RAB5A: variants seen among roughly 807,000 people sequenced by gnomAD.
The protein encoded by RAB5A is ras-related protein Rab-5A.
RAB5A carries 8 observed loss-of-function variants against 25.7 expected under a neutral mutation model. The observed-to-expected ratio is 0.31, with a 90% confidence interval of 0.18 to 0.56. The LOEUF is 0.56. RAB5A is among the 20% of genes least tolerant of loss of function. RAB5A has a pLI of 0.91. For missense variants in RAB5A, 192 were observed against 259.7 expected, an observed-to-expected ratio of 0.74 and a Z score of 1.79; for synonymous variants, 98 against 89.8, an observed-to-expected ratio of 1.09 and a Z score of -0.52.
intron 5 of RAB5A, among the ~76,000 whole-genome samples, chr3:19,982,791 A>G (rs964877187): frequency 2.0e-5 from 3 of 151,880 alleles, no homozygotes; most frequent in East Asian, 1.9e-4. Context: ...GAGCATGTAT[A>G]TAGATGTTTT....
chr3:19,967,766 C>T (rs115173410), intron 2 of RAB5A, among the ~76,000 whole-genome samples: 1,701 of 151,994 alleles, frequency 0.011, 16 homozygotes, highest in Non-Finnish European at 0.014. Context: ...ATACTTAGCC[C>T]TATTCTACTT....
chr3:19,965,969 A>G (rs1418199522), intron 2 of RAB5A, among the ~76,000 whole-genome samples: 1 of 152,118 alleles, frequency 6.6e-6, no homozygotes, highest in African/African-American at 2.4e-5. Flanking sequence ...CTCAAGCAGC[A>G]TACCCGCCTG....
Position 19,976,077 on chromosome 3 carries a change from A to G in RAB5A, c.346A>G (p.Lys116Glu). Reference sequence around the variant, plus strand: ...CTTTGCAAGAGCAAAAAATTGGGTTAAAGAACTTCAGAGGCAAGCAAGTCC... The same window carrying G: ...CTTTGCAAGAGCAAAAAATTGGGTTGAAGAACTTCAGAGGCAAGCAAGTCC... ...ESFARAKNWV[K>E]ELQRQASPNI... The change falls in exon 4 of 6, where the codon AAA (lysine) becomes GAA (glutamate). Residue 116 changes from lysine to glutamate, a missense_variant. Physicochemically the swap from Lys to Glu is moderately conservative, Grantham distance 56. This residue lies in a region of RAB5A where 121 missense variants were observed against 135.7 expected (regional missense o/e 0.89). Transcript: ENST00000273047. The G allele has an allele frequency of 6.2e-7, 1 of 1,612,908 alleles. No homozygotes were observed. The highest frequency in any genetic ancestry group is 8.5e-7 in the Non-Finnish European group (1 of 1,179,628).
In RAB5A at chr3:19,978,292, T is replaced by C; in HGVS notation, c.439-18T>C. The stretch of plus-strand genomic sequence containing the variant: ...AAGAGATATATCTCATATATCTCAT[T>C]TTTTGTTCTGTAAACAGGAAGCACA... On this transcript the variant is annotated intron_variant, in intron 4 of 5. Coordinates refer to ENST00000273047, the MANE Select transcript of RAB5A (RefSeq NM_004162.5). 1.3e-6 allele frequency: 2 copies of C among 1,537,242 alleles called. No individual in the cohort carries two copies. The highest frequency in any genetic ancestry group is 1.8e-6 in the Non-Finnish European group (2 of 1,111,460).
At chr3:19,975,214 CA>C (rs765855763) in intron 2 of RAB5A, among the ~76,000 whole-genome samples, 49,887 of 114,496 alleles carry the variant, frequency 0.44, 9,120 homozygotes, top group Non-Finnish European at 0.52. Flanking sequence ...ACTCTTGTAT[CA>C]AAAAAAAAAA....
At position 19,976,177 on chromosome 3, in the gene RAB5A, AAATTT is replaced by A; in HGVS notation, c.438+11_438+15del. The A allele has an allele frequency of 6.2e-7, 1 of 1,601,578 alleles. No individual in the cohort carries two copies. Among genetic ancestry groups the A allele is most frequent in the South Asian group, 1.1e-5 (1 of 87,992 alleles). ...AGAGCAGTAGATTTCCAGGTATGTT[AAATTT>A]AACTCTCATTTGAAAGGCACTTTTT... On this transcript the variant is annotated intron_variant, in intron 4 of 5. Transcript: ENST00000273047.
intron 1 of RAB5A, 50 bp downstream of exon 1, chr3:19,947,571 T>C (rs1696338291): frequency 1.3e-5 from 2 of 152,264 alleles, no homozygotes; most frequent in African/African-American, 4.8e-5. Flanking sequence ...GACCCCAGGT[T>C]ATCCGCGGTC....
At chr3:19,971,153 C>T (rs55663554) in intron 2 of RAB5A, among the ~76,000 whole-genome samples, 12 of 146,766 alleles carry the variant, frequency 8.2e-5, no homozygotes, top group Admixed American at 6.2e-4. Context: ...GCCGAGATCG[C>T]GCCATTGCAC....
chr3:19,965,444 C>T (rs986036100), intron 2 of RAB5A, among the ~76,000 whole-genome samples: 7 of 150,498 alleles, frequency 4.7e-5, no homozygotes, highest in East Asian at 2.0e-4. Flanking sequence ...AAACTTAGGG[C>T]GACGATGTTC....
intron 2 of RAB5A, among the ~76,000 whole-genome samples, chr3:19,971,215 A>C (rs1696746606): frequency 6.9e-6 from 1 of 145,010 alleles, no homozygotes; most frequent in East Asian, 1.9e-4. Context: ...AAAAAAAAAA[A>C]CACTATAGTA....
At chr3:19,976,406 C>T (rs1696825502) in intron 4 of RAB5A, among the ~76,000 whole-genome samples, 3 of 152,144 alleles carry the variant, frequency 2.0e-5, no homozygotes, top group Admixed American at 2.0e-4. Context: ...ACAATAAAGG[C>T]CGGGTTCAGT....
chr3:19,975,185 C>G (rs1696805503), intron 2 of RAB5A, among the ~76,000 whole-genome samples: 1 of 150,924 alleles, frequency 6.6e-6, no homozygotes, highest in Non-Finnish European at 1.5e-5. Context: ...GAGATCACGC[C>G]CCTGCACTCT....
intron 2 of RAB5A, among the ~76,000 whole-genome samples, chr3:19,972,379 G>T (rs965220903): frequency 2.0e-5 from 3 of 152,154 alleles, no homozygotes; most frequent in Non-Finnish European, 4.4e-5. Context: ...AGAAGAAAAA[G>T]ATATAAACCA....
At chr3:19,953,911 C>T (rs1559485672) in intron 2 of RAB5A, among the ~76,000 whole-genome samples, 4 of 152,310 alleles carry the variant, frequency 2.6e-5, no homozygotes, top group African/African-American at 9.6e-5. Flanking sequence ...TCATGATCAA[C>T]CTGAAAGGGC....
intron 1 of RAB5A, among the ~76,000 whole-genome samples, chr3:19,948,243 C>T (rs939594471): frequency 1.3e-5 from 2 of 152,210 alleles, no homozygotes; most frequent in Non-Finnish European, 2.9e-5. Context: ...TTCTGAACGT[C>T]ATAGTTCACA....
chr3:19,970,926 G>T (rs1696740199), intron 2 of RAB5A, among the ~76,000 whole-genome samples: 1 of 152,208 alleles, frequency 6.6e-6, no homozygotes, highest in Non-Finnish European at 1.5e-5. Context: ...GCCAGGTGTG[G>T]TGGCTCATGC....
At chr3:19,978,864 A>G (rs1441227956) in intron 5 of RAB5A, 6 of 152,698 alleles carry the variant, frequency 3.9e-5, no homozygotes, top group African/African-American at 1.4e-4. Flanking sequence ...TATAAGGAAG[A>G]TGATTTCAAA....
chr3:19,974,328 T>C (rs543934067), intron 2 of RAB5A, among the ~76,000 whole-genome samples: 10 of 152,178 alleles, frequency 6.6e-5, no homozygotes, highest in African/African-American at 2.4e-4. Flanking sequence ...CTAATTTTTG[T>C]ATTTTTAGTA....
intron 1 of RAB5A, among the ~76,000 whole-genome samples, chr3:19,949,946 G>A (rs140540451): frequency 0.017 from 2,598 of 152,258 alleles, 59 homozygotes; most frequent in African/African-American, 0.059. Context: ...GTTGAGGCAG[G>A]AGGATTGCTT....
Sources: allele counts gnomAD v4.1 joint callset (sites outside exome capture counted in the v4.1 genomes callset), GRCh38; gene constraint gnomAD v4.1.1; regional missense constraint gnomAD v4.1.1; transcripts MANE v1.5; gene names NCBI Gene and HGNC (gene_info 2026-07-23, HGNC 2026-07-21).